Variants in FAT4 observed in about 807,000 individuals in gnomAD.
The protein encoded by FAT4 is FAT atypical cadherin 4.
A neutral mutation model predicts 303.9 loss-of-function variants in FAT4; 84 were observed. That is an observed-to-expected ratio of 0.28 (90% CI 0.23 to 0.33). The LOEUF is 0.33. FAT4 is among the 10% of genes least tolerant of loss of function. FAT4 has a pLI of 1.00. For missense variants in FAT4, 6,005 were observed against 6,146.8 expected (o/e 0.98, Z 0.77); for synonymous variants, 2,307 against 2,298.8 (o/e 1.00, Z -0.10).
chr4:125,471,895 C>CAAAAAAAAAA lies in FAT4; in HGVS notation c.12213+3099_12213+3108dup, dbSNP rs60730341. 1.9e-3 allele frequency among the ~76,000 whole-genome samples: 104 copies of CAAAAAAAAAA among 56,116 alleles called. 6 individuals are homozygous for CAAAAAAAAAA. The highest frequency in any genetic ancestry group is 2.6e-3 in the African/African-American group (35 of 13,694). The allele number at this position is 56,116 out of a possible 152,430, so 36.8% of individuals were successfully genotyped here. ...TGAAACCCTGTCTCTACTAAAAATA[C>CAAAAAAAAAA]AAAAAAAAAAAAAAAAAAAAAAAAA... is the stretch of plus-strand genomic sequence containing the variant. On this transcript the variant is annotated intron_variant, in intron 12 of 17. Transcript: ENST00000394329.
intron 11 of FAT4, among the ~76,000 whole-genome samples, chr4:125,465,735 A>G (rs1726638295): frequency 6.6e-6 from 1 of 152,158 alleles, no homozygotes; most frequent in South Asian, 2.1e-4. Flanking sequence ...CACAAATCAC[A>G]CATAGCCGGC....
At chr4:125,435,394 T>G (rs903404731) in intron 8 of FAT4, among the ~76,000 whole-genome samples, 1 of 152,190 alleles carries the variant, frequency 6.6e-6, no homozygotes, top group Non-Finnish European at 1.5e-5. Flanking sequence ...TAGATGGCTA[T>G]GAAAGTAATG....
At chr4:125,349,907 G>A (rs895830764) in intron 2 of FAT4, among the ~76,000 whole-genome samples, 3 of 151,600 alleles carry the variant, frequency 2.0e-5, no homozygotes, top group African/African-American at 7.2e-5. Context: ...AACTCAATGC[G>A]CAATCTTGAC....
Position 125,452,811 on chromosome 4 carries a change from G to C in FAT4, c.11800+1G>C. 1 of 1,600,748 alleles carries C rather than the reference G, an allele frequency of 6.2e-7. No homozygotes were observed. The highest frequency in any genetic ancestry group is 8.5e-7 in the Non-Finnish European group (1 of 1,172,836). ...TGTGTTTGCAAAACTGGATACACAGGTATGACAACGTTTGTACTTTTCTCA... is the reference window on the plus strand; with the variant it reads ...TGTGTTTGCAAAACTGGATACACAGCTATGACAACGTTTGTACTTTTCTCA... On this transcript the variant is annotated splice_donor_variant, in intron 10 of 17. Coordinates refer to ENST00000394329, the MANE Select transcript of FAT4 (RefSeq NM_001291303.3). LOFTEE classifies it high-confidence loss of function.
Position 125,380,230 on chromosome 4 carries a change from C to T in FAT4, c.5176-18554C>T, listed in dbSNP as rs867667537. 1.6e-4 allele frequency among the ~76,000 whole-genome samples: 24 copies of T among 152,224 alleles called. No homozygotes were observed. In the Middle Eastern group the frequency reaches 0.014, roughly 86 times the overall value. On this transcript the variant is annotated intron_variant, in intron 2 of 17. Transcript: ENST00000394329. Reference sequence around the variant, plus strand: ...GAATTTAGGTGAATGCAGATAGTTACCTACTAAAAAGATATAAATCGAAAG... The same window carrying T: ...GAATTTAGGTGAATGCAGATAGTTATCTACTAAAAAGATATAAATCGAAAG...
chr4:125,402,635 T>A (rs1036580123), intron 3 of FAT4, among the ~76,000 whole-genome samples: 1 of 151,906 alleles, frequency 6.6e-6, no homozygotes, highest in Non-Finnish European at 1.5e-5. Flanking sequence ...GCGGGAATAT[T>A]TTTGCTTTAG....
At chr4:125,463,531 A>T in intron 10 of FAT4, 32 bp from the exon 11 acceptor site, 1 of 1,382,392 alleles carries the variant, frequency 7.2e-7, no homozygotes, top group Non-Finnish European at 1.0e-6. Flanking sequence ...TATGTATGAG[A>T]TTTAAAAAAA....
chr4:125,485,637 T>C (rs1727381990), intron 16 of FAT4, among the ~76,000 whole-genome samples: 1 of 152,188 alleles, frequency 6.6e-6, no homozygotes, highest in African/African-American at 2.4e-5. Context: ...TGGATGAGGC[T>C]GGTTTACAGC....
chr4:125,410,015 CA>C (rs138265070), intron 5 of FAT4, among the ~76,000 whole-genome samples: 3,426 of 152,214 alleles, frequency 0.023, 128 homozygotes, highest in African/African-American at 0.079. Context: ...TCTATTTTAA[CA>C]TTCTATTCTA....
Position 125,490,414 on chromosome 4 carries a change from GGAA to G in FAT4, c.13603_13605del (p.Lys4535del). The G allele has an allele frequency of 1.2e-6, 2 of 1,614,108 alleles. No homozygotes were observed. Among genetic ancestry groups the G allele is most frequent in the Non-Finnish European group, 1.7e-6 (2 of 1,180,036 alleles). ...CTGATCCTGTGTAACCAGTGCAGGG[GGAA>G]GAAGGCCAAAAATCCCAAAGAGGAG... On this transcript the variant is annotated inframe_deletion, in exon 18 of 18. Coordinates refer to ENST00000394329, the MANE Select transcript of FAT4 (RefSeq NM_001291303.3).
In FAT4 at chr4:125,408,440, A is replaced by G; in HGVS notation, c.5570-4A>G. ...TTTATACTATTAATTTATTCTTTTG[A>G]TAGGTTCTTTGGTAGCAGCCATTTT... On this transcript the variant is annotated splice_polypyrimidine_tract_variant and splice_region_variant and intron_variant, in intron 4 of 17. Transcript: ENST00000394329. 2 of 1,557,164 alleles carry G rather than the reference A, an allele frequency of 1.3e-6. No homozygotes were observed. The highest frequency in any genetic ancestry group is 1.7e-6 in the Non-Finnish European group (2 of 1,147,760).
intron 2 of FAT4, among the ~76,000 whole-genome samples, chr4:125,339,500 A>T (rs1250476638): frequency 6.6e-6 from 1 of 152,074 alleles, no homozygotes; most frequent in Non-Finnish European, 1.5e-5. Flanking sequence ...CCAGCCTCCA[A>T]CATTATTTCT....
At chr4:125,406,704 C>T (rs886178557) in intron 3 of FAT4, among the ~76,000 whole-genome samples, 176 bp from the exon 4 acceptor site, 2 of 152,136 alleles carry the variant, frequency 1.3e-5, no homozygotes, top group African/African-American at 4.8e-5. Context: ...GCATACAAAG[C>T]TTTTACCGCC....
chr4:125,452,685 A>G lies in FAT4; in HGVS notation c.11675A>G (p.Asp3892Gly). Residue 3892 changes from aspartate (D) to glycine (G), a missense_variant, in exon 10 of 18, where the codon GAT becomes GGT. Coordinates refer to ENST00000394329, the MANE Select transcript of FAT4 (RefSeq NM_001291303.3). Reference sequence around the variant, plus strand: ...GGAGGATTTTCATGCAGCTGCCCAGATGGCTTCACTGGTAGGGCGTGTGAG... The same window carrying G: ...GGAGGATTTTCATGCAGCTGCCCAGGTGGCTTCACTGGTAGGGCGTGTGAG... ...LVGGFSCSCP[D>G]GFTGRACERD... is the part of the protein sequence containing the mutation. 1.2e-6 allele frequency: 2 copies of G among 1,614,158 alleles called. No homozygotes were observed. Among genetic ancestry groups the G allele is most frequent in the East Asian group, 2.2e-5 (1 of 44,858 alleles).
At position 125,406,910 on chromosome 4, in the gene FAT4, A is replaced by G. The variant is rs748949879; in HGVS notation, c.5338A>G (p.Ile1780Val). 4 of 1,613,762 alleles carry G rather than the reference A, an allele frequency of 2.5e-6. No individual in the cohort carries two copies. Among genetic ancestry groups the G allele is most frequent in the Admixed American group, 3.3e-5 (2 of 59,968 alleles). The change falls in exon 4 of 18, where the codon ATT (isoleucine) becomes GTT (valine). Residue 1780 changes from isoleucine to valine, a missense_variant. Ile to Val is a conservative substitution (Grantham distance 29). Coordinates refer to ENST00000394329, the MANE Select transcript of FAT4 (RefSeq NM_001291303.3). ...GANALVTYTIISGADDSFRID... is the reference protein window; with the variant it reads ...GANALVTYTIVSGADDSFRID... Reference sequence around the variant, plus strand: ...AAATGCTCTCGTCACATACACTATCATTAGTGGAGCTGATGATAGTTTTCG... The same window carrying G: ...AAATGCTCTCGTCACATACACTATCGTTAGTGGAGCTGATGATAGTTTTCG...
intron 15 of FAT4, 48 bp downstream of exon 15, chr4:125,479,913 A>AT: frequency 6.9e-7 from 1 of 1,441,270 alleles, no homozygotes; most frequent in Non-Finnish European, 9.3e-7. Flanking sequence ...TAACTATGAA[A>AT]AGTAAAATAT....
chr4:125,369,719 A>G (rs887322463), intron 2 of FAT4, among the ~76,000 whole-genome samples: 8 of 152,202 alleles, frequency 5.3e-5, no homozygotes, highest in South Asian at 2.1e-4. Context: ...ATCTATCTCC[A>G]GAATGTTTTT....
Position 125,408,070 on chromosome 4 carries a change from A to C in FAT4, c.5570-374A>C, listed in dbSNP as rs969734243. On this transcript the variant is annotated intron_variant, in intron 4 of 17. Coordinates refer to ENST00000394329, the MANE Select transcript of FAT4 (RefSeq NM_001291303.3). Reference sequence around the variant, plus strand: ...TCTAGAGTAGTATCACCAGGGCATAAGTCTATATATTTTTTGGAATCCTCA... The same window carrying C: ...TCTAGAGTAGTATCACCAGGGCATACGTCTATATATTTTTTGGAATCCTCA... Among the ~76,000 whole-genome samples, 17 of 152,244 alleles carry C rather than the reference A, an allele frequency of 1.1e-4. 2 individuals carry two copies. The highest frequency in any genetic ancestry group is 3.3e-4 in the Admixed American group (5 of 15,276).
intron 7 of FAT4, among the ~76,000 whole-genome samples, chr4:125,433,761 A>G (rs1725356336): frequency 6.6e-6 from 1 of 152,220 alleles, no homozygotes; most frequent in Non-Finnish European, 1.5e-5. Flanking sequence ...CAGTATGGGA[A>G]AGGGATTTAA....
Sources: allele counts gnomAD v4.1 joint callset (sites outside exome capture counted in the v4.1 genomes callset), GRCh38; gene constraint gnomAD v4.1.1; transcripts MANE v1.5; gene names NCBI Gene and HGNC (gene_info 2026-07-23, HGNC 2026-07-21).